Variants in LHPP observed in about 807,000 individuals in gnomAD.
The protein encoded by LHPP is phospholysine phosphohistidine inorganic pyrophosphate phosphatase.
LHPP carries 24 observed loss-of-function variants against 30.3 expected under a neutral mutation model. The observed-to-expected ratio is 0.79, with a 90% confidence interval of 0.57 to 1.11. The LOEUF (loss-of-function observed/expected upper bound fraction) is 1.11, where lower values mean the gene tolerates loss of function less well. Ranked by LOEUF, LHPP falls within the 50% of genes most tolerant of loss-of-function variation. The probability of loss-of-function intolerance (pLI) is 0.00; values close to 1 mark genes in which losing one functional copy is unlikely to be tolerated. For missense variants in LHPP, 356 were observed against 367.2 expected, an observed-to-expected ratio of 0.97 and a Z score of 0.25; for synonymous variants, 150 against 157.1, an observed-to-expected ratio of 0.95 and a Z score of 0.34.
chr10:124,578,928 G>T (rs1460114392), intron 6 of LHPP, among the ~76,000 whole-genome samples: 1 of 151,224 alleles, frequency 6.6e-6, no homozygotes, highest in Non-Finnish European at 1.5e-5. Context: ...TCCCTGGAGG[G>T]CCAGAAGGGA....
At position 124,504,272 on chromosome 10, in the gene LHPP, A is replaced by G. The variant is rs181509819; in HGVS notation, c.624+6144A>G. The stretch of plus-strand genomic sequence containing the variant: ...CCTTCCCCCGACCCAAAACCCAAAC[A>G]AAAACAAAACCCTGCCACTGCCTGG... On this transcript the variant is annotated intron_variant, in intron 5 of 6. Coordinates refer to ENST00000368842, the MANE Select transcript of LHPP (RefSeq NM_022126.4). 2.9e-3 allele frequency among the ~76,000 whole-genome samples: 437 copies of G among 151,716 alleles called. 2 individuals carry two copies. The highest frequency in any genetic ancestry group is 9.5e-3 in the African/African-American group (393 of 41,340).
chr10:124,462,080 G>A, intron 1 of LHPP, 93 bp downstream of exon 1: 1 of 1,112,918 alleles, frequency 9.0e-7, no homozygotes, highest in East Asian at 4.1e-5. Flanking sequence ...CAGGGGGCGG[G>A]GCCGCGGCGC....
intron 3 of LHPP, chr10:124,490,427 A>G: frequency 9.0e-6 from 3 of 334,940 alleles, no homozygotes; most frequent in Non-Finnish European, 1.9e-5. Flanking sequence ...AGGACCTGAG[A>G]GACTGCCTGG....
chr10:124,484,265 A>T lies in LHPP; in HGVS notation c.252A>T (p.Ala84=). The change falls in exon 2 of 7, where the codon GCA becomes GCT. Residue 84 remains alanine (A), a synonymous_variant. Transcript: ENST00000368842. The part of the protein sequence containing the change: ...DISEQEVTAP[A]PAACQILKEQ... ...CTGAGCAGGAGGTGACCGCCCCGGC[A>T]CCAGCTGCCTGCCAGATCCTGAAGG... The T allele has an allele frequency of 6.2e-7, 1 of 1,613,992 alleles. No individual in the cohort carries two copies. The highest frequency in any genetic ancestry group is 8.5e-7 in the Non-Finnish European group (1 of 1,179,998).
rs2133847412 is a variant in LHPP, at chr10:124,484,002, G to C, written c.126-137G>C. The C allele has an allele frequency of 4.1e-6, 3 of 732,244 alleles. No homozygotes were observed. In the South Asian group the frequency reaches 5.4e-5, roughly 13 times the overall value. The allele number at this position is 732,244 out of a possible 1,614,324, so 45.4% of individuals were successfully genotyped here. A position where few individuals can be genotyped will look rare whatever the true frequency, so the allele number is the denominator to read the frequency against. ...CCTGAACACATCCTGGATCAGCCAG[G>C]ACCCCCTCAGGGGCTCGCAGTGGCC... is the stretch of plus-strand genomic sequence containing the variant. On this transcript the variant is annotated intron_variant, in intron 1 of 6. Transcript: ENST00000368842.
intron 4 of LHPP, among the ~76,000 whole-genome samples, chr10:124,497,437 C>G (rs55845390): frequency 6.6e-6 from 1 of 152,144 alleles, no homozygotes; most frequent in Admixed American, 6.5e-5. Context: ...TGCAGCACCT[C>G]AAGCTTGACG....
At chr10:124,608,390 C>T (rs1036078532) in intron 6 of LHPP, among the ~76,000 whole-genome samples, 3 of 152,194 alleles carry the variant, frequency 2.0e-5, no homozygotes, top group Non-Finnish European at 1.5e-5. Context: ...GCTGAGTTTT[C>T]CATTTTAGCC....
In LHPP at chr10:124,613,418, C is replaced by T. The variant is rs892889010; in HGVS notation, c.*58C>T. On this transcript the variant is annotated 3_prime_UTR_variant, in exon 7 of 7. Transcript: ENST00000368842. The stretch of plus-strand genomic sequence containing the variant: ...CCTGCCTCTCCTCCACCCCTGCCTC[C>T]CCTCCACCCCTGCCTCTCCTCCACC... The T allele has an allele frequency of 1.7e-3, 1,831 of 1,072,082 alleles. 3 individuals are homozygous for T. Among genetic ancestry groups the T allele is most frequent in the Non-Finnish European group, 2.3e-3 (1,618 of 713,898 alleles). The allele number at this position is 1,072,082 out of a possible 1,614,324, so 66.4% of individuals were successfully genotyped here.
At chr10:124,468,033 G>A (rs1473159720) in intron 1 of LHPP, among the ~76,000 whole-genome samples, 1 of 152,120 alleles carries the variant, frequency 6.6e-6, no homozygotes, top group Non-Finnish European at 1.5e-5. Flanking sequence ...TTGAGCCCTG[G>A]TCTGCCCAAC....
At chr10:124,525,187 A>G (rs998157497) in intron 6 of LHPP, among the ~76,000 whole-genome samples, 5 of 152,136 alleles carry the variant, frequency 3.3e-5, no homozygotes, top group Non-Finnish European at 5.9e-5. Context: ...TGGCTTGTTC[A>G]TCGTGTCCTC....
chr10:124,565,020 AG>A (rs968115314), intron 6 of LHPP, among the ~76,000 whole-genome samples: 1 of 152,154 alleles, frequency 6.6e-6, no homozygotes, highest in African/African-American at 2.4e-5. Context: ...GAAGAGTGGG[AG>A]GGAACGAGGT....
At chr10:124,505,901 A>G (rs537918571) in intron 5 of LHPP, among the ~76,000 whole-genome samples, 1 of 152,274 alleles carries the variant, frequency 6.6e-6, no homozygotes, top group African/African-American at 2.4e-5. Flanking sequence ...TGAAGCTTAG[A>G]GATGAAACAC....
chr10:124,540,666 C>T (rs12570000), intron 6 of LHPP, among the ~76,000 whole-genome samples: 13,310 of 152,248 alleles, frequency 0.087, 756 homozygotes, highest in South Asian at 0.25. Flanking sequence ...TTGGGGTTCA[C>T]GGTGCTCCAT....
At chr10:124,531,146 T>C (rs1374050901) in intron 6 of LHPP, among the ~76,000 whole-genome samples, 1 of 152,184 alleles carries the variant, frequency 6.6e-6, no homozygotes, top group Non-Finnish European at 1.5e-5. Flanking sequence ...GATCCTGCCA[T>C]ATCCTCAAGG....
At chr10:124,547,295 T>C (rs1250400967) in intron 6 of LHPP, among the ~76,000 whole-genome samples, 2 of 152,196 alleles carry the variant, frequency 1.3e-5, no homozygotes, top group Non-Finnish European at 2.9e-5. Context: ...TTTCCCCTTT[T>C]CATTACAAAC....
intron 6 of LHPP, chr10:124,553,933 G>C: frequency 1.0e-6 from 1 of 985,466 alleles, no homozygotes; most frequent in African/African-American, 1.7e-5. Context: ...TGCTCCAGGA[G>C]GGACAGAGCC....
chr10:124,557,895 T>C (rs1948329793), intron 6 of LHPP, among the ~76,000 whole-genome samples: 2 of 152,036 alleles, frequency 1.3e-5, no homozygotes, highest in Non-Finnish European at 2.9e-5. Context: ...GGACATCTAG[T>C]GAGCTTAGGG....
At chr10:124,584,363 CAAA>C (rs71484569) in intron 6 of LHPP, among the ~76,000 whole-genome samples, 9 of 98,400 alleles carry the variant, frequency 9.1e-5, no homozygotes, top group Admixed American at 1.2e-4. Flanking sequence ...GACTCTGTCT[CAAA>C]AAAAAAAAAA....
At position 124,471,748 on chromosome 10, in the gene LHPP, T is replaced by G. The variant is rs1463771247; in HGVS notation, c.125+9761T>G. ...ATGTATATATATATTTGTATATATA[T>G]TTGTATATATATATATTTATATATA... On this transcript the variant is annotated intron_variant, in intron 1 of 6. Coordinates refer to ENST00000368842, the MANE Select transcript of LHPP (RefSeq NM_022126.4). 6.2e-4 allele frequency among the ~76,000 whole-genome samples: 81 copies of G among 130,102 alleles called. 1 individual carries two copies. The highest frequency in any genetic ancestry group is 1.7e-3 in the South Asian group (7 of 4,230). The allele number at this position is 130,102 out of a possible 152,430, so 85.4% of individuals were successfully genotyped here. A position where few individuals can be genotyped will look rare whatever the true frequency, so the allele number is the denominator to read the frequency against.
Sources: gnomAD v4.1 joint callset for allele counts (sites outside exome capture counted in the v4.1 genomes callset) on GRCh38, gnomAD v4.1.1 for gene constraint, MANE v1.5 for transcripts, NCBI Gene and HGNC (gene_info 2026-07-23, HGNC 2026-07-21) for gene names.